Variants in SIAH3 observed in about 807,000 individuals in gnomAD.
SIAH3 encodes siah E3 ubiquitin protein ligase family member 3.
SIAH3 carries 9 observed loss-of-function variants against 12.6 expected under a neutral mutation model. The observed-to-expected ratio is 0.72, with a 90% CI of 0.43 to 1.25. The LOEUF (loss-of-function observed/expected upper bound fraction) is 1.25, where lower values mean the gene tolerates loss of function less well. Among genes scored for constraint, SIAH3 ranks in the 50% most tolerant of loss-of-function variants. The pLI, the probability that SIAH3 is intolerant of heterozygous loss-of-function variation, is 0.00. For synonymous variants in SIAH3, 154 were observed against 151.1 expected, an observed-to-expected ratio of 1.02 and a Z score of -0.14; for missense variants, 390 against 365.4, an observed-to-expected ratio of 1.07 and a Z score of -0.55.
intron 1 of SIAH3, among the ~76,000 whole-genome samples, chr13:45,846,847 T>A (rs932639015): frequency 6.6e-6 from 1 of 152,130 alleles, no homozygotes; most frequent in Non-Finnish European, 1.5e-5. Flanking sequence ...GCTAACCAAA[T>A]TACTGCTCCA....
At chr13:45,785,758 C>T (rs980199971) in intron 1 of SIAH3, among the ~76,000 whole-genome samples, 10 of 152,138 alleles carry the variant, frequency 6.6e-5, no homozygotes, top group African/African-American at 1.4e-4. Flanking sequence ...CTTCCAGTAG[C>T]GCCTGTCCTG....
chr13:45,815,513 A>G (rs1950631442), intron 1 of SIAH3, among the ~76,000 whole-genome samples: 1 of 152,154 alleles, frequency 6.6e-6, no homozygotes, highest in Non-Finnish European at 1.5e-5. Context: ...CTTAAAATAA[A>G]TCTCTCTCTT....
intron 1 of SIAH3, among the ~76,000 whole-genome samples, chr13:45,820,243 C>T (rs1950650860): frequency 2.0e-5 from 3 of 152,290 alleles, no homozygotes; most frequent in South Asian, 4.1e-4. Context: ...ACGAGCGAAC[C>T]CCTAAGCCAA....
chr13:45,809,888 G>C (rs1002729421), intron 1 of SIAH3, among the ~76,000 whole-genome samples: 3 of 152,062 alleles, frequency 2.0e-5, no homozygotes, highest in Admixed American at 6.6e-5. Context: ...TGTAGTCAAG[G>C]GGGAGACAAA....
At chr13:45,787,439 G>A (rs1178363039) in intron 1 of SIAH3, among the ~76,000 whole-genome samples, 10 of 152,170 alleles carry the variant, frequency 6.6e-5, no homozygotes, top group African/African-American at 2.4e-4. Context: ...TTGTGTGAAA[G>A]CAATGCAAAA....
At chr13:45,836,538 GT>G (rs1418232126) in intron 1 of SIAH3, among the ~76,000 whole-genome samples, 1 of 152,182 alleles carries the variant, frequency 6.6e-6, no homozygotes, top group Admixed American at 6.5e-5. Context: ...AATACAGCAT[GT>G]TTTCACTTAT....
rs1950496524 is a variant in SIAH3, at chr13:45,779,648, T to C, written c.*3735A>G. 1.3e-5 allele frequency: 2 copies of C among 152,176 alleles called. No homozygotes were observed. Among genetic ancestry groups the C allele is most frequent in the African/African-American group, 2.4e-5 (1 of 41,440 alleles). 9.4% of individuals were successfully genotyped at this position (152,176 alleles called of 1,614,324 possible). Reference sequence around the variant, plus strand: ...TAGCTTACGTTTCCCACCCGTAACATGAATACAATAAAGAGCACCTGCTTG... The same window carrying C: ...TAGCTTACGTTTCCCACCCGTAACACGAATACAATAAAGAGCACCTGCTTG... On this transcript the variant is annotated 3_prime_UTR_variant, in exon 2 of 2. Transcript: ENST00000400405.
chr13:45,824,449 C>T (rs185529539), intron 1 of SIAH3, among the ~76,000 whole-genome samples: 222 of 152,326 alleles, frequency 1.5e-3, no homozygotes, highest in Non-Finnish European at 2.5e-3. Flanking sequence ...GGGGTAGCCT[C>T]CATACCCCTC....
intron 1 of SIAH3, among the ~76,000 whole-genome samples, chr13:45,798,756 G>C (rs112126338): frequency 0.026 from 3,934 of 152,254 alleles, 173 homozygotes; most frequent in African/African-American, 0.09. Context: ...CTTCTGGTTT[G>C]GAGCTTCCTG....
chr13:45,850,875 G>A (rs780234130), intron 1 of SIAH3, among the ~76,000 whole-genome samples: 1 of 151,002 alleles, frequency 6.6e-6, no homozygotes, highest in Non-Finnish European at 1.5e-5. Flanking sequence ...TACACAGAGC[G>A]CATCTAACCA....
intron 1 of SIAH3, among the ~76,000 whole-genome samples, chr13:45,816,291 T>C (rs1198024499): frequency 6.6e-6 from 1 of 152,250 alleles, no homozygotes; most frequent in Non-Finnish European, 1.5e-5. Flanking sequence ...CTGCAGAGAA[T>C]GGTACCCTTG....
intron 1 of SIAH3, among the ~76,000 whole-genome samples, chr13:45,839,789 A>G (rs1950733651): frequency 6.6e-6 from 1 of 152,144 alleles, no homozygotes; most frequent in Admixed American, 6.5e-5. Context: ...CTGAGATCGC[A>G]CCACTGCACT....
At chr13:45,801,515 T>G (rs1950582451) in intron 1 of SIAH3, among the ~76,000 whole-genome samples, 1 of 152,174 alleles carries the variant, frequency 6.6e-6, no homozygotes, top group Non-Finnish European at 1.5e-5. Flanking sequence ...CTTGATTGGT[T>G]CCATGTCCTG....
At chr13:45,833,479 GCACACACACACACGCA>G (rs1566096463) in intron 1 of SIAH3, among the ~76,000 whole-genome samples, 3 of 145,056 alleles carry the variant, frequency 2.1e-5, no homozygotes, top group African/African-American at 5.3e-5. Context: ...ACACACACAT[GCACACACACACACGCA>G]CACACACACA....
intron 1 of SIAH3, among the ~76,000 whole-genome samples, chr13:45,817,130 A>C (rs1294499399): frequency 6.6e-6 from 1 of 152,266 alleles, no homozygotes; most frequent in Non-Finnish European, 1.5e-5. Context: ...ATACACGCAG[A>C]CACACAGAGT....
chr13:45,789,467 C>G (rs559203348), intron 1 of SIAH3, among the ~76,000 whole-genome samples: 120 of 152,176 alleles, frequency 7.9e-4, no homozygotes, highest in African/African-American at 2.8e-3. Flanking sequence ...AATGCAGCGA[C>G]GTGATCTCGG....
intron 1 of SIAH3, among the ~76,000 whole-genome samples, chr13:45,850,317 C>T (rs1156315087): frequency 1.3e-5 from 2 of 152,210 alleles, no homozygotes; most frequent in South Asian, 2.1e-4. Context: ...CAGCTGAGGA[C>T]AGTCCGGCCG....
At chr13:45,833,861 G>T (rs937860300) in intron 1 of SIAH3, among the ~76,000 whole-genome samples, 1 of 152,138 alleles carries the variant, frequency 6.6e-6, no homozygotes, top group African/African-American at 2.4e-5. Flanking sequence ...CCTGCTGAGG[G>T]CCTCCAGGAA....
At chr13:45,790,332 G>C (rs1950541892) in intron 1 of SIAH3, among the ~76,000 whole-genome samples, 1 of 152,062 alleles carries the variant, frequency 6.6e-6, no homozygotes, top group Non-Finnish European at 1.5e-5. Context: ...AAGATCTATG[G>C]GTGCAAAATA....
Sources: allele counts gnomAD v4.1 joint callset (sites outside exome capture counted in the v4.1 genomes callset), GRCh38; gene constraint gnomAD v4.1.1; transcripts MANE v1.5; gene names NCBI Gene and HGNC (gene_info 2026-07-23, HGNC 2026-07-21).